The following TRIP4 variants were observed in gnomAD, a reference collection of about 807,000 sequenced individuals.
The protein encoded by TRIP4 is activating signal cointegrator 1.
In TRIP4, 54 loss-of-function variants were observed where a neutral mutation model predicts 81.8. The observed-to-expected ratio is 0.66, with a 90% CI of 0.53 to 0.83. The LOEUF is 0.83. TRIP4 is among the 40% of genes least tolerant of loss of function. The pLI is 0.00. For synonymous variants in TRIP4, 270 were observed against 242.8 expected (o/e 1.11, Z -1.04); for missense variants, 662 against 683.6 (o/e 0.97, Z 0.35).
At chr15:64,397,277 A>AGATG (rs1461536452) in intron 3 of TRIP4, among the ~76,000 whole-genome samples, 1 of 152,188 alleles carries the variant, frequency 6.6e-6, no homozygotes, top group East Asian at 1.9e-4. Flanking sequence ...TTTTAGAGGC[A>AGATG]TTCTTGTTTC....
intron 1 of TRIP4, among the ~76,000 whole-genome samples, chr15:64,390,531 T>A (rs894362082): frequency 4.0e-5 from 6 of 151,690 alleles, no homozygotes; most frequent in African/African-American, 1.5e-4. Flanking sequence ...AGGGTAAGAA[T>A]GATAGATGTA....
intron 7 of TRIP4, among the ~76,000 whole-genome samples, chr15:64,413,756 T>C (rs1399569528): frequency 6.6e-6 from 1 of 151,812 alleles, no homozygotes; most frequent in African/African-American, 2.4e-5. Context: ...CTCAGCTAAT[T>C]TTTGTATTTT....
At chr15:64,397,518 G>C (rs931963423) in intron 3 of TRIP4, 88 bp from the exon 4 acceptor site, 1 of 1,289,184 alleles carries the variant, frequency 7.8e-7, no homozygotes, top group Non-Finnish European at 1.1e-6. Context: ...TATATAAGTT[G>C]TTACTGAACA....
intron 3 of TRIP4, among the ~76,000 whole-genome samples, chr15:64,396,580 G>A (rs1244953872): frequency 6.6e-6 from 1 of 152,120 alleles, no homozygotes; most frequent in African/African-American, 2.4e-5. Context: ...TGCCCAGCCA[G>A]TGTCTAGCTT....
intron 11 of TRIP4, among the ~76,000 whole-genome samples, chr15:64,429,298 C>T (rs1892218998): frequency 6.6e-6 from 1 of 151,704 alleles, no homozygotes; most frequent in East Asian, 1.9e-4. Flanking sequence ...GCCTGAGTGA[C>T]AAGAGCAAAA....
At chr15:64,406,530 C>A in intron 6 of TRIP4, 71 bp downstream of exon 6, 1 of 1,540,020 alleles carries the variant, frequency 6.5e-7, no homozygotes, top group Non-Finnish European at 8.8e-7. Flanking sequence ...TATTTTGGTA[C>A]TTGATACCTT....
At chr15:64,448,423 G>A (rs1892682246) in intron 12 of TRIP4, among the ~76,000 whole-genome samples, 1 of 152,038 alleles carries the variant, frequency 6.6e-6, no homozygotes, top group South Asian at 2.1e-4. Context: ...GTTAGTTAAT[G>A]GTAGACTAGA....
At position 64,433,945 on chromosome 15, in the gene TRIP4, C is replaced by T. The variant is rs145801015; in HGVS notation, c.1575+8314C>T. On this transcript the variant is annotated intron_variant, in intron 11 of 12. Transcript: ENST00000261884. ...TTTTTTTTTAAAGCTCATCAGTTAT[C>T]GTTAGTGTATTTTATGTGTGGCCCA... is the stretch of plus-strand genomic sequence containing the variant. Among the ~76,000 whole-genome samples, 140 of 151,886 alleles carry T rather than the reference C, an allele frequency of 9.2e-4. No homozygotes were observed. In the East Asian group the frequency reaches 0.025, roughly 27 times the overall value.
chr15:64,404,840 C>T (rs1305192962), intron 5 of TRIP4, among the ~76,000 whole-genome samples: 5 of 151,846 alleles, frequency 3.3e-5, no homozygotes, highest in African/African-American at 9.7e-5. Flanking sequence ...CTTGTACCAC[C>T]GTGTCTGGCT....
chr15:64,436,358 C>T (rs1892397813), intron 11 of TRIP4, among the ~76,000 whole-genome samples: 2 of 151,416 alleles, frequency 1.3e-5, no homozygotes, highest in Admixed American at 1.3e-4. Context: ...CTTTGGGAGG[C>T]CGAGGCGGGC....
At chr15:64,431,629 C>T (rs1892272870) in intron 11 of TRIP4, among the ~76,000 whole-genome samples, 1 of 151,376 alleles carries the variant, frequency 6.6e-6, no homozygotes, top group South Asian at 2.1e-4. Flanking sequence ...TCACTTGAAC[C>T]CGGGAGGCAG....
In TRIP4 at chr15:64,418,623, A is replaced by C; in HGVS notation, c.1253A>C (p.His418Pro). ...GFGLEFNSFQ[H>P]QLRIQDQEFQ... Reference sequence around the variant, plus strand: ...GGACTAGAGTTCAACTCATTTCAGCACCAGTTGCGAATCCAGGATCAAGAA... The same window carrying C: ...GGACTAGAGTTCAACTCATTTCAGCCCCAGTTGCGAATCCAGGATCAAGAA... Residue 418 changes from histidine to proline, a missense_variant, in exon 9 of 13, where the codon CAC (histidine) becomes CCC (proline). By Grantham distance (77) the His-to-Pro change is moderately conservative. Transcript: ENST00000261884. 5.0e-6 allele frequency: 8 copies of C among 1,613,886 alleles called. No individual in the cohort carries two copies. Among genetic ancestry groups the C allele is most frequent in the Non-Finnish European group, 6.8e-6 (8 of 1,180,022 alleles).
Position 64,404,574 on chromosome 15 carries a change from A to C in TRIP4, c.698-1756A>C, listed in dbSNP as rs150194346. ...GATCCACCCACCTTGGCCTCCCAAA[A>C]TGCTGGGATTACAGGCATGAACCAC... On this transcript the variant is annotated intron_variant, in intron 5 of 12. Coordinates refer to ENST00000261884, the MANE Select transcript of TRIP4 (RefSeq NM_016213.5). Among the ~76,000 whole-genome samples, 93 of 151,742 alleles carry C rather than the reference A, an allele frequency of 6.1e-4. 2 individuals are homozygous for C. In the East Asian group the frequency reaches 0.017, roughly 27 times the overall value.
intron 11 of TRIP4, among the ~76,000 whole-genome samples, chr15:64,429,426 C>G (rs564471098): frequency 6.6e-6 from 1 of 152,148 alleles, no homozygotes; most frequent in Non-Finnish European, 1.5e-5. Context: ...AATAATGGCT[C>G]TTGACTAGCA....
intron 2 of TRIP4, 47 bp from the exon 3 acceptor site, chr15:64,395,351 C>G (rs371036055): frequency 3.1e-5 from 47 of 1,525,560 alleles, no homozygotes; most frequent in Non-Finnish European, 3.7e-5. Flanking sequence ...CAGGAATCCT[C>G]TTATCAATCT....
At chr15:64,392,073 G>A (rs146921203) in intron 1 of TRIP4, among the ~76,000 whole-genome samples, 3 of 149,852 alleles carry the variant, frequency 2.0e-5, no homozygotes, top group Admixed American at 1.3e-4. Context: ...TCAGGACTTC[G>A]AGACCAGCCT....
intron 12 of TRIP4, among the ~76,000 whole-genome samples, chr15:64,452,880 G>C (rs1892802289): frequency 6.6e-6 from 1 of 152,072 alleles, no homozygotes; most frequent in Non-Finnish European, 1.5e-5. Context: ...GAAGTCTTAG[G>C]ATTAAAACTG....
intron 1 of TRIP4, among the ~76,000 whole-genome samples, chr15:64,391,235 C>A (rs1031279658): frequency 1.3e-5 from 2 of 151,886 alleles, no homozygotes; most frequent in Non-Finnish European, 2.9e-5. Flanking sequence ...CGGCTCACTG[C>A]AACCTCCACC....
chr15:64,428,646 T>C (rs1455612329), intron 11 of TRIP4, among the ~76,000 whole-genome samples: 2 of 152,204 alleles, frequency 1.3e-5, no homozygotes, highest in Non-Finnish European at 2.9e-5. Context: ...TCTCACTCTG[T>C]TGCCCAGGCT....
Sources: allele counts gnomAD v4.1 joint callset (sites outside exome capture counted in the v4.1 genomes callset), GRCh38; gene constraint gnomAD v4.1.1; transcripts MANE v1.5; gene names NCBI Gene and HGNC (gene_info 2026-07-23, HGNC 2026-07-21).